PPP6C: variants seen among roughly 807,000 people sequenced by gnomAD.
PPP6C encodes the protein serine/threonine-protein phosphatase 6 catalytic subunit.
A neutral mutation model predicts 39.8 loss-of-function variants in PPP6C; 11 were observed. That is an observed-to-expected ratio of 0.28 (90% CI 0.17 to 0.46). PPP6C has a LOEUF of 0.46. Ranked by LOEUF, PPP6C falls within the 20% of genes least tolerant of loss-of-function variation. The pLI is 1.00. For missense variants in PPP6C, 211 were observed against 373.9 expected (o/e 0.56, Z 3.59); for synonymous variants, 129 against 130.3 (o/e 0.99, Z 0.07).
At chr9:125,150,580 G>T in intron 6 of PPP6C, 1 of 705,312 alleles carries the variant, frequency 1.4e-6, no homozygotes, top group South Asian at 1.3e-5. Flanking sequence ...TCTCTGGGCC[G>T]ACTTTGGTTG....
At chr9:125,185,695 A>G (rs1829514179) in intron 1 of PPP6C, among the ~76,000 whole-genome samples, 2 of 150,378 alleles carry the variant, frequency 1.3e-5, no homozygotes, top group African/African-American at 2.5e-5. Context: ...CTCCGTCTCA[A>G]AAAAACAAAC....
At position 125,148,059 on chromosome 9, in the gene PPP6C, G is replaced by T; in HGVS notation, c.*1614C>A. Reference sequence around the variant, plus strand: ...TATATAATTAAAAACTATGTAAGGAGCTGGGTGGTTTGAGGGAAAAAAATT... The same window carrying T: ...TATATAATTAAAAACTATGTAAGGATCTGGGTGGTTTGAGGGAAAAAAATT... On this transcript the variant is annotated 3_prime_UTR_variant, in exon 7 of 7. Transcript: ENST00000373547. The T allele has an allele frequency of 5.4e-6, 1 of 186,282 alleles. No individual in the cohort carries two copies. Among genetic ancestry groups the T allele is most frequent in the Admixed American group, 4.2e-5 (1 of 23,648 alleles). 11.5% of individuals were successfully genotyped at this position (186,282 alleles called of 1,614,324 possible).
At position 125,186,938 on chromosome 9, in the gene PPP6C, CTTT is replaced by C. The variant is rs1168730026; in HGVS notation, c.75+2703_75+2705del. Among the ~76,000 whole-genome samples the C allele has an allele frequency of 7.2e-5, 6 of 83,664 alleles. No individual in the cohort carries two copies. In the South Asian group the frequency reaches 2.7e-3, roughly 37 times the overall value. 54.9% of individuals were successfully genotyped at this position (83,664 alleles called of 152,430 possible). A position where few individuals can be genotyped will look rare whatever the true frequency, so the allele number is the denominator to read the frequency against. ...AAAGAAGTCCAACAGATTTTTCTTT[CTTT>C]TTTTTTTTTTTTTTTTTTTTGGTGA... On this transcript the variant is annotated intron_variant, in intron 1 of 6. Transcript: ENST00000373547.
intron 2 of PPP6C, among the ~76,000 whole-genome samples, chr9:125,167,583 A>G (rs899886571): frequency 2.2e-4 from 33 of 151,426 alleles, no homozygotes; most frequent in African/African-American, 7.8e-4. Context: ...CATGCCTGTA[A>G]TCTCAGCTAC....
intron 2 of PPP6C, among the ~76,000 whole-genome samples, chr9:125,170,214 T>C (rs1266584519): frequency 1.3e-5 from 2 of 151,978 alleles, no homozygotes; most frequent in East Asian, 3.9e-4. Flanking sequence ...ATATGAGGTA[T>C]GCCCCTCCTG....
At chr9:125,171,623 G>T (rs1054962933) in intron 1 of PPP6C, among the ~76,000 whole-genome samples, 1 of 148,818 alleles carries the variant, frequency 6.7e-6, no homozygotes, top group Non-Finnish European at 1.5e-5. Context: ...ACACGATCTC[G>T]GCTCACTTCT....
intron 1 of PPP6C, among the ~76,000 whole-genome samples, chr9:125,171,478 C>CATACATATATAT (rs1829158844): frequency 1.2e-5 from 1 of 83,530 alleles, no homozygotes; most frequent in Non-Finnish European, 2.2e-5. Context: ...CACACACACA[C>CATACATATATAT]ATATATATAT....
chr9:125,153,875 C>T lies in PPP6C; in HGVS notation c.459+31G>A, dbSNP rs531784591. ...ATATGCAATGTGTTATTGGCAGGAACGTACATGAGACTTTAAAAATAGAAA... is the reference window on the plus strand; with the variant it reads ...ATATGCAATGTGTTATTGGCAGGAATGTACATGAGACTTTAAAAATAGAAA... On this transcript the variant is annotated intron_variant, in intron 5 of 6. Transcript: ENST00000373547. 3.3e-4 allele frequency: 520 copies of T among 1,556,422 alleles called. 6 individuals carry two copies. In the South Asian group the frequency reaches 5.4e-3, roughly 16 times the overall value.
At position 125,149,556 on chromosome 9, in the gene PPP6C, C is replaced by G. The variant is rs1282444239; in HGVS notation, c.*117G>C. ...AATTTAAAATTTAAAAAAAAAAAGG[C>G]AAGAGGCAGCATTTCAGCAGCAAAG... On this transcript the variant is annotated 3_prime_UTR_variant, in exon 7 of 7. Transcript: ENST00000373547. 5.1e-6 allele frequency: 6 copies of G among 1,165,630 alleles called. No homozygotes were observed. Among genetic ancestry groups the G allele is most frequent in the South Asian group, 2.1e-5 (1 of 48,042 alleles). 72.2% of individuals were successfully genotyped at this position (1,165,630 alleles called of 1,614,324 possible). A position where few individuals can be genotyped will look rare whatever the true frequency, so the allele number is the denominator to read the frequency against.
intron 4 of PPP6C, 151 bp downstream of exon 4, chr9:125,158,090 G>C (rs1259218321): frequency 3.7e-6 from 3 of 804,600 alleles, no homozygotes; most frequent in South Asian, 1.9e-5. Context: ...GTCTTCTCTC[G>C]AGCATAAGAT....
chr9:125,159,203 T>C (rs994375885), intron 3 of PPP6C, among the ~76,000 whole-genome samples: 1 of 149,328 alleles, frequency 6.7e-6, no homozygotes, highest in African/African-American at 2.5e-5. Context: ...CAAGCCCGGC[T>C]AATTTTGTAT....
chr9:125,176,692 G>C (rs1829305116), intron 1 of PPP6C, among the ~76,000 whole-genome samples: 1 of 152,138 alleles, frequency 6.6e-6, no homozygotes, highest in Non-Finnish European at 1.5e-5. Flanking sequence ...ATTGATGGTG[G>C]TGGAGGGGTG....
chr9:125,163,768 T>C (rs1280632123), intron 2 of PPP6C, among the ~76,000 whole-genome samples: 1 of 152,126 alleles, frequency 6.6e-6, no homozygotes, highest in Non-Finnish European at 1.5e-5. Flanking sequence ...AAGTTTGTAT[T>C]TACCAGACAC....
intron 1 of PPP6C, 30 bp downstream of exon 1, chr9:125,189,614 G>A (rs750367991): frequency 2.5e-6 from 4 of 1,611,590 alleles, no homozygotes; most frequent in Admixed American, 1.7e-5. Flanking sequence ...CCCCACAGCC[G>A]GAAGGGGCGA....
chr9:125,170,062 G>A (rs1829110585), intron 2 of PPP6C, among the ~76,000 whole-genome samples: 1 of 152,040 alleles, frequency 6.6e-6, no homozygotes, highest in Non-Finnish European at 1.5e-5. Flanking sequence ...AGACTACATT[G>A]TTTGCAATGT....
chr9:125,157,714 C>T (rs369103574), intron 4 of PPP6C, among the ~76,000 whole-genome samples: 22 of 129,650 alleles, frequency 1.7e-4, no homozygotes, highest in South Asian at 2.4e-4. Flanking sequence ...TTTTTTGAGA[C>T]GGAGTCTCCC....
chr9:125,149,600 T>C lies in PPP6C; in HGVS notation c.*73A>G, dbSNP rs908142194. On this transcript the variant is annotated 3_prime_UTR_variant, in exon 7 of 7. Coordinates refer to ENST00000373547, the MANE Select transcript of PPP6C (RefSeq NM_002721.5). ...AGCAAAGTGCTCAATAAAAAGTATA[T>C]TGTAGAGGGTAATACAAGAAAATTG... 2.3e-5 allele frequency: 34 copies of C among 1,508,146 alleles called. No individual in the cohort carries two copies. In the African/African-American group the frequency reaches 3.8e-4, roughly 17 times the overall value. 93.4% of individuals were successfully genotyped at this position (1,508,146 alleles called of 1,614,324 possible). A position where few individuals can be genotyped will look rare whatever the true frequency, so the allele number is the denominator to read the frequency against.
At chr9:125,150,285 G>C (rs1270586471) in intron 6 of PPP6C, among the ~76,000 whole-genome samples, 1 of 152,146 alleles carries the variant, frequency 6.6e-6, no homozygotes, top group African/African-American at 2.4e-5. Context: ...TTCTGAAAGA[G>C]ATTATTCTTT....
At position 125,149,542 on chromosome 9, in the gene PPP6C, T is replaced by TA. The variant is rs368232084; in HGVS notation, c.*130dup. 23,369 of 867,816 alleles carry TA rather than the reference T, an allele frequency of 0.027. 152 individuals are homozygous for TA. The highest frequency in any genetic ancestry group is 0.091 in the African/African-American group (5,064 of 55,570). 53.8% of individuals were successfully genotyped at this position (867,816 alleles called of 1,614,324 possible). ...CAATAAATTTAGATAATTTAAAATT[T>TA]AAAAAAAAAAAGGCAAGAGGCAGCA... On this transcript the variant is annotated 3_prime_UTR_variant, in exon 7 of 7. Coordinates refer to ENST00000373547, the MANE Select transcript of PPP6C (RefSeq NM_002721.5).
Sources: gnomAD v4.1 joint callset for allele counts (sites outside exome capture counted in the v4.1 genomes callset) on GRCh38, gnomAD v4.1.1 for gene constraint, MANE v1.5 for transcripts, NCBI Gene and HGNC (gene_info 2026-07-23, HGNC 2026-07-21) for gene names.